The following ESF1 variants were observed in gnomAD, a reference collection of about 807,000 sequenced individuals.
ESF1 encodes the protein ESF1 nucleolar pre-rRNA processing protein.
ESF1 carries 58 observed loss-of-function variants against 92.0 expected under a neutral mutation model. The ratio of observed to expected loss-of-function variants is 0.63; its 90% CI spans 0.51 to 0.78. ESF1 has a LOEUF of 0.78. ESF1 is among the 30% of genes least tolerant of loss of function. The pLI is 0.00. For missense variants in ESF1, 922 were observed against 989.1 expected (o/e 0.93, Z 0.91); for synonymous variants, 321 against 313.7 (o/e 1.02, Z -0.24).
At chr20:13,757,875 T>C (rs1260759608) in intron 9 of ESF1, among the ~76,000 whole-genome samples, 8 of 152,232 alleles carry the variant, frequency 5.3e-5, no homozygotes, top group African/African-American at 1.9e-4. Flanking sequence ...AACACTTCAA[T>C]TTAAAAATGT....
intron 11 of ESF1, among the ~76,000 whole-genome samples, chr20:13,720,395 C>A (rs939989535): frequency 2.6e-5 from 4 of 151,954 alleles, no homozygotes; most frequent in Non-Finnish European, 5.9e-5. Context: ...AATCCTATGC[C>A]CCTAGATGTG....
At chr20:13,760,420 T>A (rs1446698777) in intron 8 of ESF1, among the ~76,000 whole-genome samples, 1 of 125,578 alleles carries the variant, frequency 8.0e-6, no homozygotes, top group African/African-American at 3.1e-5. Context: ...CCGTCTGGGG[T>A]GTGAGGAGCG....
Position 13,782,994 on chromosome 20 carries a change from C to T in ESF1, c.147G>A (p.Leu49=). 1.2e-6 allele frequency: 2 copies of T among 1,614,070 alleles called. No individual in the cohort carries two copies. Among genetic ancestry groups the T allele is most frequent in the South Asian group, 2.2e-5 (2 of 91,066 alleles). The change falls in exon 2 of 14, where the codon TTG becomes TTA. Residue 49 remains leucine, a synonymous_variant. Transcript: ENST00000617257. ...RAMFHDKKFK[L]NYAVDKRGRP... Reference sequence around the variant, plus strand: ...GCCCTCTTTTATCCACGGCATAGTTCAACTTGAACTTCTTGTCATGAAACA... The same window carrying T: ...GCCCTCTTTTATCCACGGCATAGTTTAACTTGAACTTCTTGTCATGAAACA...
rs764173528 is a variant in ESF1 at position 13,771,316 on chromosome 20, C to A, written c.1403+15G>T. ...GTACTAAAAGATTAAATTGGTAATA[C>A]ATACACTGGATTACCTTAGATCTAT... On this transcript the variant is annotated intron_variant, in intron 6 of 13. Transcript: ENST00000617257. 6.2e-7 allele frequency: 1 copy of A among 1,604,542 alleles called. No individual in the cohort carries two copies.
chr20:13,726,578 T>C (rs1032540675), intron 11 of ESF1, among the ~76,000 whole-genome samples: 1 of 152,244 alleles, frequency 6.6e-6, no homozygotes, highest in African/African-American at 2.4e-5. Context: ...TTATATCTTC[T>C]ATTTCTTTCC....
chr20:13,779,389 C>T (rs947561067), intron 2 of ESF1, among the ~76,000 whole-genome samples: 1 of 151,944 alleles, frequency 6.6e-6, no homozygotes, highest in Non-Finnish European at 1.5e-5. Flanking sequence ...CAACCATATC[C>T]CTAAATTTCT....
In ESF1 at chr20:13,784,885, G is replaced by A. The variant is rs1980615355; in HGVS notation, c.-49C>T. 6.5e-6 allele frequency: 4 copies of A among 612,162 alleles called. No individual in the cohort carries two copies. Among genetic ancestry groups the A allele is most frequent in the African/African-American group, 1.9e-5 (1 of 54,038 alleles). The allele number at this position is 612,162 out of a possible 1,614,324, so 37.9% of individuals were successfully genotyped here. Reference sequence around the variant, plus strand: ...TCCAGTCCATCCCCACTCACCGTCCGCAGTCCTACCAAGCCTCACGTGGGG... The same window carrying A: ...TCCAGTCCATCCCCACTCACCGTCCACAGTCCTACCAAGCCTCACGTGGGG... On this transcript the variant is annotated 5_prime_UTR_variant, in exon 1 of 14. Transcript: ENST00000617257.
At chr20:13,729,158 C>G (rs987308413) in intron 10 of ESF1, among the ~76,000 whole-genome samples, 1 of 151,670 alleles carries the variant, frequency 6.6e-6, no homozygotes, top group South Asian at 2.1e-4. Flanking sequence ...ACTTGGCAGG[C>G]GAGGCAGGAG....
chr20:13,764,215 C>T (rs1016152754), intron 8 of ESF1, among the ~76,000 whole-genome samples: 1 of 152,212 alleles, frequency 6.6e-6, no homozygotes, highest in African/African-American at 2.4e-5. Context: ...GGGTTCTTCA[C>T]TTTCTGTCAG....
At chr20:13,752,636 T>C (rs1978690920) in intron 9 of ESF1, among the ~76,000 whole-genome samples, 1 of 152,228 alleles carries the variant, frequency 6.6e-6, no homozygotes, top group Non-Finnish European at 1.5e-5. Flanking sequence ...AATGCCCAAC[T>C]AATTCAAAAA....
At chr20:13,736,001 A>T (rs373960205) in intron 9 of ESF1, among the ~76,000 whole-genome samples, 18 of 152,286 alleles carry the variant, frequency 1.2e-4, no homozygotes, top group African/African-American at 4.1e-4. Flanking sequence ...CTATCCAAAG[A>T]TCATCTCTGT....
intron 8 of ESF1, among the ~76,000 whole-genome samples, chr20:13,760,552 C>T (rs1267199805): frequency 2.0e-5 from 3 of 149,926 alleles, no homozygotes; most frequent in Non-Finnish European, 3.0e-5. Context: ...GGAGCCCCTC[C>T]GCCCGGCAGC....
chr20:13,782,546 G>A lies in ESF1; in HGVS notation c.595C>T (p.Pro199Ser), dbSNP rs368059559. The change falls in exon 2 of 14, where the codon CCC becomes TCC. Residue 199 changes from proline to serine, a missense_variant. Physicochemically the swap from Pro to Ser is moderately conservative, Grantham distance 74. Transcript: ENST00000617257. ...CTTGTCTTAGAACACTCGATTCTGG[G>A]AGATTTCACAATTTCAGAGGTGCCT... ...DSGTSEIVKSPRIECSKTRRE... is the reference protein window; with the variant it reads ...DSGTSEIVKSSRIECSKTRRE... 3.8e-6 allele frequency: 6 copies of A among 1,563,492 alleles called. No individual in the cohort carries two copies. Among genetic ancestry groups the A allele is most frequent in the Non-Finnish European group, 5.1e-6 (6 of 1,165,338 alleles).
chr20:13,769,833 G>T (rs1979599963), intron 7 of ESF1, 74 bp downstream of exon 7: 1 of 954,206 alleles, frequency 1.0e-6, no homozygotes, highest in Non-Finnish European at 1.6e-6. Flanking sequence ...TTTTAAAGAT[G>T]CTATAAGTAA....
chr20:13,721,455 G>A (rs2049867559), intron 11 of ESF1, among the ~76,000 whole-genome samples: 1 of 152,114 alleles, frequency 6.6e-6, no homozygotes, highest in Non-Finnish European at 1.5e-5. Flanking sequence ...GGTTTTGTTA[G>A]GGTAGTTAAG....
At chr20:13,727,769 A>G (rs1416667670) in intron 11 of ESF1, among the ~76,000 whole-genome samples, 1 of 152,208 alleles carries the variant, frequency 6.6e-6, no homozygotes, top group East Asian at 1.9e-4. Flanking sequence ...CAGATAATTT[A>G]GGGATTCAAG....
At chr20:13,744,700 A>G (rs533589825) in intron 9 of ESF1, among the ~76,000 whole-genome samples, 1 of 152,334 alleles carries the variant, frequency 6.6e-6, no homozygotes, top group South Asian at 2.1e-4. Flanking sequence ...CTTTCCTAGG[A>G]TAACACATGG....
intron 11 of ESF1, among the ~76,000 whole-genome samples, chr20:13,721,072 G>C (rs1044648344): frequency 5.3e-5 from 8 of 152,154 alleles, no homozygotes; most frequent in Non-Finnish European, 1.0e-4. Flanking sequence ...GCAGTGAGCA[G>C]AGATTGTGCC....
chr20:13,748,540 A>ATGTG (rs753070186), intron 9 of ESF1, among the ~76,000 whole-genome samples: 4,768 of 117,444 alleles, frequency 0.041, 388 homozygotes, highest in African/African-American at 0.13. Flanking sequence ...ACACATATAT[A>ATGTG]TGTGTGTGTA....
Sources: allele counts gnomAD v4.1 joint callset (sites outside exome capture counted in the v4.1 genomes callset), GRCh38; gene constraint gnomAD v4.1.1; transcripts MANE v1.5; gene names NCBI Gene and HGNC (gene_info 2026-07-23, HGNC 2026-07-21).